The following TRAPPC10 variants were observed in gnomAD, a reference collection of about 807,000 sequenced individuals.
TRAPPC10 encodes the protein TRAPP 130 kDa subunit.
TRAPPC10 carries 23 observed loss-of-function variants against 125.5 expected under a neutral mutation model. The observed-to-expected ratio is 0.18, with a 90% CI of 0.13 to 0.26. TRAPPC10 has a LOEUF of 0.26. Among genes scored for constraint, TRAPPC10 ranks in the 10% least tolerant of loss-of-function variants. TRAPPC10 has a pLI of 1.00. For synonymous variants in TRAPPC10, 509 were observed against 518.0 expected (o/e 0.98, Z 0.24); for missense variants, 1,123 against 1,308.4 (o/e 0.86, Z 2.19).
chr21:44,033,423 G>A (rs1242359830), intron 2 of TRAPPC10, among the ~76,000 whole-genome samples: 3 of 152,040 alleles, frequency 2.0e-5, no homozygotes, highest in Non-Finnish European at 4.4e-5. Flanking sequence ...GAGAAAAATT[G>A]CTTAACATGT....
At chr21:44,057,382 C>T (rs777540525) in intron 5 of TRAPPC10, among the ~76,000 whole-genome samples, 1 of 151,936 alleles carries the variant, frequency 6.6e-6, no homozygotes, top group African/African-American at 2.4e-5. Flanking sequence ...TCACTGCAAC[C>T]TCCATCTCCC....
At chr21:44,084,671 T>C (rs997700911) in intron 15 of TRAPPC10, among the ~76,000 whole-genome samples, 2 of 152,186 alleles carry the variant, frequency 1.3e-5, no homozygotes, top group African/African-American at 4.8e-5. Context: ...TGACCCTGTC[T>C]ACTGGAGCTG....
chr21:44,042,211 C>T (rs1184824704), intron 3 of TRAPPC10, among the ~76,000 whole-genome samples: 1 of 151,832 alleles, frequency 6.6e-6, no homozygotes, highest in African/African-American at 2.4e-5. Flanking sequence ...TTACTTTGTT[C>T]ATTTTTTAGT....
rs187067186 is a variant in TRAPPC10 at position 44,059,446 on chromosome 21, T to A, written c.790+232T>A. ...TTAAGTAACAAAAATAATAATAATTTAAAAAAACTGTTTTCCAGGTATAAA... is the reference window on the plus strand; with the variant it reads ...TTAAGTAACAAAAATAATAATAATTAAAAAAAACTGTTTTCCAGGTATAAA... On this transcript the variant is annotated intron_variant, in intron 6 of 22. Coordinates refer to ENST00000291574, the MANE Select transcript of TRAPPC10 (RefSeq NM_003274.5). This position sits in a 1 kb window ranked among gnomAD's most constrained non-coding sequence, Gnocchi z 4.4. 811 of 715,014 alleles carry A rather than the reference T, an allele frequency of 1.1e-3. 6 individuals are homozygous for A. The African/African-American group carries it at 0.012, about 10-fold the overall frequency. The allele number at this position is 715,014 out of a possible 1,614,324, so 44.3% of individuals were successfully genotyped here. A position where few individuals can be genotyped will look rare whatever the true frequency, so the allele number is the denominator to read the frequency against.
At chr21:44,066,961 C>T (rs943948584) in intron 7 of TRAPPC10, among the ~76,000 whole-genome samples, 2 of 152,150 alleles carry the variant, frequency 1.3e-5, no homozygotes, top group African/African-American at 4.8e-5. Flanking sequence ...ATTAGAAGAA[C>T]GGGGAAGATA....
At chr21:44,064,303 A>ATG (rs10526131) in intron 7 of TRAPPC10, among the ~76,000 whole-genome samples, 7,147 of 148,176 alleles carry the variant, frequency 0.048, 180 homozygotes, top group Non-Finnish European at 0.065. Flanking sequence ...TGTCATAAAT[A>ATG]TGTGTGTGTG....
intron 19 of TRAPPC10, among the ~76,000 whole-genome samples, chr21:44,093,626 C>T (rs1024905802): frequency 3.9e-5 from 6 of 151,984 alleles, no homozygotes; most frequent in East Asian, 1.9e-4. Context: ...GGCATGGCGG[C>T]GTGCATCTGT....
chr21:44,035,793 A>G (rs1426073729), intron 2 of TRAPPC10, among the ~76,000 whole-genome samples: 1 of 152,216 alleles, frequency 6.6e-6, no homozygotes, highest in Non-Finnish European at 1.5e-5. Context: ...ATAAAATGAA[A>G]TAAAACAAAA....
intron 3 of TRAPPC10, among the ~76,000 whole-genome samples, chr21:44,042,317 A>G (rs2034482436): frequency 6.6e-6 from 1 of 152,000 alleles, no homozygotes; most frequent in Non-Finnish European, 1.5e-5. Flanking sequence ...TACTTTAAAT[A>G]TATCCCATTG....
At chr21:44,023,829 A>G (rs536744896) in intron 1 of TRAPPC10, among the ~76,000 whole-genome samples, 2 of 152,296 alleles carry the variant, frequency 1.3e-5, no homozygotes, top group South Asian at 4.1e-4. Flanking sequence ...CCCATGCTGT[A>G]GTGCAATGGC....
intron 2 of TRAPPC10, among the ~76,000 whole-genome samples, chr21:44,037,168 G>A (rs968359713): frequency 3.9e-5 from 6 of 152,270 alleles, no homozygotes; most frequent in East Asian, 3.9e-4. Flanking sequence ...AGATCCACGC[G>A]GTGTGGTTCA....
intron 2 of TRAPPC10, among the ~76,000 whole-genome samples, chr21:44,037,323 A>C (rs1301874748): frequency 6.6e-6 from 1 of 152,198 alleles, no homozygotes; most frequent in Non-Finnish European, 1.5e-5. Flanking sequence ...TGCAAACAAA[A>C]ATATGTTATA....
At position 44,059,851 on chromosome 21, in the gene TRAPPC10, TG is replaced by T. The variant is rs1411419041; in HGVS notation, c.790+639del. Reference sequence around the variant, plus strand: ...TCTCTCCAGGTTAGCAGGTGGGGTTTGGAGTTGTTTTTGTTACAATTGGTAT... The same window carrying T: ...TCTCTCCAGGTTAGCAGGTGGGGTTTGAGTTGTTTTTGTTACAATTGGTAT... On this transcript the variant is annotated intron_variant, in intron 6 of 22. Transcript: ENST00000291574. This position sits in a 1 kb window ranked among gnomAD's most constrained non-coding sequence, Gnocchi z 4.4. 1.1e-5 allele frequency: 3 copies of T among 261,152 alleles called. No individual in the cohort carries two copies. Among genetic ancestry groups the T allele is most frequent in the African/African-American group, 6.6e-5 (3 of 45,202 alleles). The allele number at this position is 261,152 out of a possible 1,614,324, so 16.2% of individuals were successfully genotyped here.
chr21:44,078,823 G>C (rs1345311894), intron 11 of TRAPPC10, among the ~76,000 whole-genome samples: 1 of 152,200 alleles, frequency 6.6e-6, no homozygotes, highest in African/African-American at 2.4e-5. Flanking sequence ...CACACCAGTA[G>C]TCCCAGCTAC....
At chr21:44,029,237 G>A (rs1408082852) in intron 1 of TRAPPC10, among the ~76,000 whole-genome samples, 1 of 152,194 alleles carries the variant, frequency 6.6e-6, no homozygotes, top group Non-Finnish European at 1.5e-5. Flanking sequence ...TGGGACTACA[G>A]GCGCCTGCCA....
chr21:44,055,261 G>A (rs1347717032), intron 4 of TRAPPC10, among the ~76,000 whole-genome samples: 2 of 151,948 alleles, frequency 1.3e-5, no homozygotes, highest in African/African-American at 2.4e-5. Context: ...TCCTAACCTG[G>A]TTTCTTACCG....
At chr21:44,033,961 TAAATGGACTAAAAA>T (rs1472625670) in intron 2 of TRAPPC10, among the ~76,000 whole-genome samples, 1 of 151,984 alleles carries the variant, frequency 6.6e-6, no homozygotes, top group East Asian at 1.9e-4. Context: ...ACTAAACAAA[TAAATGGACTAAAAA>T]AAATGGACCA....
intron 3 of TRAPPC10, among the ~76,000 whole-genome samples, chr21:44,041,619 G>C (rs1021231581): frequency 3.4e-4 from 52 of 152,062 alleles, no homozygotes; most frequent in African/African-American, 1.2e-3. Flanking sequence ...TGATCTGCCT[G>C]CCTCAGCCTC....
rs566733419 is a variant in TRAPPC10, at chr21:44,062,705, T to TG, written c.791-832dup. ...CTGGGTGCTCCAATAGCCCTGAGGA[T>TG]GCTGGTGCAGGGGCTGGGCTGGCAG... is the stretch of plus-strand genomic sequence containing the variant. On this transcript the variant is annotated intron_variant, in intron 6 of 22. Transcript: ENST00000291574. 1.8e-5 allele frequency: 18 copies of TG among 985,220 alleles called. No individual in the cohort carries two copies. In the South Asian group the frequency reaches 8.0e-4, roughly 44 times the overall value. The allele number at this position is 985,220 out of a possible 1,614,324, so 61.0% of individuals were successfully genotyped here. A position where few individuals can be genotyped will look rare whatever the true frequency, so the allele number is the denominator to read the frequency against.
Sources: gnomAD v4.1 joint callset for allele counts (sites outside exome capture counted in the v4.1 genomes callset) on GRCh38, gnomAD v4.1.1 for gene constraint, Gnocchi (gnomAD v3.1) non-coding constraint, MANE v1.5 for transcripts, NCBI Gene and HGNC (gene_info 2026-07-23, HGNC 2026-07-21) for gene names.